LRRN1: variants seen among roughly 807,000 people sequenced by gnomAD.
The protein encoded by LRRN1 is leucine-rich repeat neuronal protein 1.
Under a neutral mutation model 45.8 loss-of-function variants are expected in LRRN1, and 14 were observed. The observed-to-expected ratio is 0.31, with a 90% confidence interval of 0.20 to 0.48. LRRN1 has a LOEUF of 0.48. Among genes scored for constraint, LRRN1 ranks in the 20% least tolerant of loss-of-function variants. The pLI is 0.99. For synonymous variants in LRRN1, 359 were observed against 330.1 expected, an observed-to-expected ratio of 1.09 and a Z score of -0.95; for missense variants, 789 against 874.2, an observed-to-expected ratio of 0.90 and a Z score of 1.23.
chr3:3,801,751 A>G lies in LRRN1; in HGVS notation c.-279+1832A>G, dbSNP rs143383301. On this transcript the variant is annotated intron_variant, in intron 1 of 1. Coordinates refer to ENST00000319331, the MANE Select transcript of LRRN1 (RefSeq NM_020873.7). ...TTAAGTGCTATTGTATTGAAAGCTCAAAGTGCTGCTTGCTCTTTACCTGGC... is the reference window on the plus strand; with the variant it reads ...TTAAGTGCTATTGTATTGAAAGCTCGAAGTGCTGCTTGCTCTTTACCTGGC... Among the ~76,000 whole-genome samples the G allele has an allele frequency of 2.5e-4, 38 of 152,370 alleles. 1 individual carries two copies. In the South Asian group the frequency reaches 7.9e-3, roughly 32 times the overall value.
chr3:3,815,407 A>G (rs1374045887), intron 1 of LRRN1, among the ~76,000 whole-genome samples: 2 of 152,132 alleles, frequency 1.3e-5, no homozygotes, highest in Admixed American at 1.3e-4. Context: ...GAGTTGCTCA[A>G]TAAACTATTC....
intron 1 of LRRN1, among the ~76,000 whole-genome samples, chr3:3,800,301 T>C (rs899104005): frequency 4.0e-5 from 6 of 151,234 alleles, no homozygotes; most frequent in Non-Finnish European, 8.9e-5. Context: ...GCTGCCGGGA[T>C]GTGAACCGGG....
intron 1 of LRRN1, among the ~76,000 whole-genome samples, chr3:3,813,465 G>A (rs1255989384): frequency 6.6e-6 from 1 of 152,040 alleles, no homozygotes; most frequent in Non-Finnish European, 1.5e-5. Context: ...GGGTAGAGTG[G>A]GTTATTTTTC....
intron 1 of LRRN1, among the ~76,000 whole-genome samples, chr3:3,801,420 TTTCA>T (rs1692649884): frequency 6.6e-6 from 1 of 152,352 alleles, no homozygotes; most frequent in South Asian, 2.1e-4. Flanking sequence ...AGGCTCATTA[TTTCA>T]TTTTTAAAAG....
At chr3:3,841,154 G>A (rs1344432368) in intron 1 of LRRN1, among the ~76,000 whole-genome samples, 1 of 152,008 alleles carries the variant, frequency 6.6e-6, no homozygotes, top group Non-Finnish European at 1.5e-5. Flanking sequence ...AATTAGGTGT[G>A]GTGGCACGTG....
rs543497420 is a variant in LRRN1, at chr3:3,848,931, C to A, written c.*2139C>A. On this transcript the variant is annotated 3_prime_UTR_variant, in exon 2 of 2. Coordinates refer to ENST00000319331, the MANE Select transcript of LRRN1 (RefSeq NM_020873.7). ...ACATTTTAGCACAGGGCAGATCAGA[C>A]GGTGTCTCTACTGTTAGTATTGCAA... Among the ~76,000 whole-genome samples, 1 of 152,178 alleles carries A rather than the reference C, an allele frequency of 6.6e-6. No homozygotes were observed. The highest frequency in any genetic ancestry group is 1.5e-5 in the Non-Finnish European group (1 of 68,032).
intron 1 of LRRN1, among the ~76,000 whole-genome samples, chr3:3,842,792 G>T (rs113299314): frequency 6.6e-6 from 1 of 152,158 alleles, no homozygotes; most frequent in African/African-American, 2.4e-5. Context: ...TTTAGCAAGT[G>T]AATGGCCCAG....
intron 1 of LRRN1, among the ~76,000 whole-genome samples, chr3:3,841,382 A>T (rs1476664882): frequency 6.6e-6 from 1 of 151,944 alleles, no homozygotes; most frequent in Admixed American, 6.6e-5. Flanking sequence ...TATGACTGAG[A>T]AATAACCTGT....
intron 1 of LRRN1, among the ~76,000 whole-genome samples, chr3:3,814,012 CT>C (rs773789417): frequency 6.6e-6 from 1 of 151,954 alleles, no homozygotes; most frequent in Non-Finnish European, 1.5e-5. Context: ...CCTCCCTCCC[CT>C]GTCTGCACAT....
chr3:3,803,613 T>G (rs12633321), intron 1 of LRRN1, among the ~76,000 whole-genome samples: 33,927 of 152,076 alleles, frequency 0.22, 5,996 homozygotes, highest in African/African-American at 0.46. Flanking sequence ...CATATGTTTC[T>G]GGGAACAATG....
chr3:3,829,206 A>T (rs1191785969), intron 1 of LRRN1, among the ~76,000 whole-genome samples: 1 of 152,036 alleles, frequency 6.6e-6, no homozygotes, highest in Non-Finnish European at 1.5e-5. Flanking sequence ...CCATTTTGAT[A>T]ATCTGGGTCA....
At chr3:3,800,992 C>T (rs982741280) in intron 1 of LRRN1, 2 of 152,352 alleles carry the variant, frequency 1.3e-5, no homozygotes, top group African/African-American at 4.8e-5. Flanking sequence ...AGCTGGGGCT[C>T]GGGGAAAAGT....
At chr3:3,826,579 CA>C (rs1693220692) in intron 1 of LRRN1, among the ~76,000 whole-genome samples, 1 of 152,012 alleles carries the variant, frequency 6.6e-6, no homozygotes. Flanking sequence ...TGTGTCCTTG[CA>C]AGGGGATACA....
Position 3,845,468 on chromosome 3 carries a change from A to T in LRRN1, c.827A>T (p.His276Leu). 6.2e-7 allele frequency: 1 copy of T among 1,614,146 alleles called. No homozygotes were observed. The highest frequency in any genetic ancestry group is 8.5e-7 in the Non-Finnish European group (1 of 1,180,032). ...TTAGACCTCAACAAAAACCCCATTCACAAAATCCAAGAAGGGGACTTCAAA... is the reference window on the plus strand; with the variant it reads ...TTAGACCTCAACAAAAACCCCATTCTCAAAATCCAAGAAGGGGACTTCAAA... ...KFLDLNKNPI[H>L]KIQEGDFKNM... is the part of the protein sequence containing the mutation. Residue 276 changes from histidine (H) to leucine (L), a missense_variant, in exon 2 of 2, where the codon CAC (histidine) becomes CTC (leucine). Coordinates refer to ENST00000319331, the MANE Select transcript of LRRN1 (RefSeq NM_020873.7). This position sits in a 1 kb window ranked among gnomAD's most constrained non-coding sequence, Gnocchi z 6.5.
intron 1 of LRRN1, among the ~76,000 whole-genome samples, chr3:3,821,697 A>G (rs1693109505): frequency 6.6e-6 from 1 of 152,208 alleles, no homozygotes; most frequent in African/African-American, 2.4e-5. Flanking sequence ...GTTTGTCTCA[A>G]TCACAAACAG....
chr3:3,834,541 T>C lies in LRRN1; in HGVS notation c.-278-9823T>C, dbSNP rs1235179257. On this transcript the variant is annotated intron_variant, in intron 1 of 1. Coordinates refer to ENST00000319331, the MANE Select transcript of LRRN1 (RefSeq NM_020873.7). ...ACAGAACAGGATATATATATATATA[T>C]ATATATATATATGATATATATATTA... Among the ~76,000 whole-genome samples, 5 of 114,104 alleles carry C rather than the reference T, an allele frequency of 4.4e-5. No homozygotes were observed. The East Asian group carries it at 7.7e-4, about 18-fold the overall frequency. 74.9% of individuals were successfully genotyped at this position (114,104 alleles called of 152,430 possible).
chr3:3,828,388 C>A (rs1368997352), intron 1 of LRRN1, among the ~76,000 whole-genome samples: 1 of 151,736 alleles, frequency 6.6e-6, no homozygotes, highest in Non-Finnish European at 1.5e-5. Context: ...GTTTTTCTGC[C>A]TGCCTTTTTT....
chr3:3,830,345 G>C (rs1410435656), intron 1 of LRRN1, among the ~76,000 whole-genome samples: 1 of 152,244 alleles, frequency 6.6e-6, no homozygotes, highest in Admixed American at 6.5e-5. Context: ...CAAACCATTG[G>C]CTACAGCCCA....
intron 1 of LRRN1, among the ~76,000 whole-genome samples, chr3:3,838,335 G>C (rs1693570752): frequency 6.6e-6 from 1 of 152,096 alleles, no homozygotes; most frequent in Non-Finnish European, 1.5e-5. Context: ...CAAAACATAA[G>C]CACAGGCAAA....
Sources: allele counts gnomAD v4.1 joint callset (sites outside exome capture counted in the v4.1 genomes callset), GRCh38; gene constraint gnomAD v4.1.1; non-coding constraint Gnocchi (gnomAD v3.1); transcripts MANE v1.5; gene names NCBI Gene and HGNC (gene_info 2026-07-23, HGNC 2026-07-21).